PKD1L1: variants seen among roughly 807,000 people sequenced by gnomAD.
The protein encoded by PKD1L1 is polycystin-1-like protein 1.
Under a neutral mutation model 323.4 loss-of-function variants are expected in PKD1L1, and 236 were observed. The observed-to-expected ratio is 0.73, with a 90% confidence interval of 0.66 to 0.81. The LOEUF (loss-of-function observed/expected upper bound fraction) is 0.81. Among genes scored for constraint, PKD1L1 ranks in the 40% least tolerant of loss-of-function variants. The probability of loss-of-function intolerance (pLI) is 0.00; values close to 1 mark genes in which losing one functional copy is unlikely to be tolerated. For missense variants in PKD1L1, 3,320 were observed against 3,508.0 expected (o/e 0.95, Z 1.35); for synonymous variants, 1,344 against 1,335.0 (o/e 1.01, Z -0.15).
intron 40 of PKD1L1, among the ~76,000 whole-genome samples, 174 bp from the exon 41 acceptor site, chr7:47,833,426 C>T (rs1260783295): frequency 1.3e-5 from 2 of 152,166 alleles, no homozygotes; most frequent in Admixed American, 6.5e-5. Flanking sequence ...GCCTGGGAGC[C>T]GGCTCCTTTG....
At chr7:47,798,214 T>C (rs1349734259) in intron 54 of PKD1L1, among the ~76,000 whole-genome samples, 2 of 152,166 alleles carry the variant, frequency 1.3e-5, no homozygotes, top group Non-Finnish European at 2.9e-5. Flanking sequence ...CCTCATGGGA[T>C]TGGCTAAAGG....
chr7:47,813,882 T>C, intron 48 of PKD1L1, 49 bp downstream of exon 48: 1 of 1,516,658 alleles, frequency 6.6e-7, no homozygotes, highest in Non-Finnish European at 9.2e-7. Flanking sequence ...TGCCTAGACT[T>C]CTCTAATTCC....
rs780496977 is a variant in PKD1L1, at chr7:47,792,624, T to A, written c.8526+3A>T. On this transcript the variant is annotated splice_donor_region_variant and intron_variant, in intron 56 of 56. Transcript: ENST00000289672. ...TGACATAAATAATTTTGCATGGTCT[T>A]ACCTCAGCAGCTTGGTAACTAGAAA... is the stretch of plus-strand genomic sequence containing the variant. The A allele has an allele frequency of 3.1e-6, 5 of 1,610,466 alleles. No individual in the cohort carries two copies. In the African/African-American group the frequency reaches 4.0e-5, roughly 13 times the overall value.
chr7:47,943,312 C>T, intron 2 of PKD1L1, 84 bp downstream of exon 2: 4 of 1,118,022 alleles, frequency 3.6e-6, no homozygotes, highest in Non-Finnish European at 5.3e-6. Flanking sequence ...ATGAAATTCC[C>T]ATGTGGAAGA....
At chr7:47,807,033 A>AC in intron 52 of PKD1L1, among the ~76,000 whole-genome samples, 1 of 151,986 alleles carries the variant, frequency 6.6e-6, no homozygotes, top group South Asian at 2.1e-4. Flanking sequence ...GACTCTGTCC[A>AC]CCCTGGTCAG....
the PKD1L1 span, among the ~76,000 whole-genome samples, chr7:47,954,946 G>T: frequency 6.6e-6 from 1 of 152,234 alleles, no homozygotes; most frequent in Non-Finnish European, 1.5e-5. Flanking sequence ...CAGGCGAATA[G>T]GAACTAGATT....
intron 41 of PKD1L1, among the ~76,000 whole-genome samples, chr7:47,831,671 C>A (rs374788571): frequency 3.0e-4 from 46 of 152,288 alleles, no homozygotes; most frequent in African/African-American, 1.1e-3. Flanking sequence ...TTGGTGCTCA[C>A]CTAAGGGTCT....
intron 42 of PKD1L1, 75 bp from the exon 43 acceptor site, chr7:47,830,199 A>G: frequency 7.8e-7 from 1 of 1,275,110 alleles, no homozygotes; most frequent in Non-Finnish European, 1.1e-6. Flanking sequence ...CTGCCTAAGC[A>G]CAGGGACACT....
At chr7:47,914,393 A>G (rs912370026) in intron 8 of PKD1L1, among the ~76,000 whole-genome samples, 3 of 151,636 alleles carry the variant, frequency 2.0e-5, no homozygotes, top group Non-Finnish European at 4.4e-5. Flanking sequence ...GTAGAGAAAC[A>G]TCTAGGACAG....
At chr7:47,824,534 T>C (rs991945166) in intron 45 of PKD1L1, among the ~76,000 whole-genome samples, 10 of 152,230 alleles carry the variant, frequency 6.6e-5, no homozygotes, top group African/African-American at 1.4e-4. Flanking sequence ...ACTAGGTTTA[T>C]ATGGTCAAAT....
intron 54 of PKD1L1, among the ~76,000 whole-genome samples, chr7:47,799,139 T>C (rs1349798848): frequency 6.6e-6 from 1 of 152,220 alleles, no homozygotes; most frequent in East Asian, 1.9e-4. Context: ...TTCTTTAGTT[T>C]TTTGTTGAAT....
chr7:47,795,320 G>T (rs774711167), intron 55 of PKD1L1: 1 of 455,434 alleles, frequency 2.2e-6, no homozygotes. Context: ...AGTCTCACAA[G>T]ATCTGATCAT....
chr7:47,859,028 G>A, intron 26 of PKD1L1, 143 bp from the exon 27 acceptor site: 2 of 1,064,316 alleles, frequency 1.9e-6, no homozygotes, highest in South Asian at 3.2e-5. Flanking sequence ...GGCATATGAT[G>A]CATATATTCT....
At chr7:47,778,329 C>T (rs1350252187) in intron 56 of PKD1L1, among the ~76,000 whole-genome samples, 3 of 152,134 alleles carry the variant, frequency 2.0e-5, no homozygotes, top group Non-Finnish European at 2.9e-5. Flanking sequence ...AATTTTGACT[C>T]CGGGGCAAAG....
chr7:47,787,169 T>C (rs1786826879), intron 56 of PKD1L1, among the ~76,000 whole-genome samples: 3 of 152,176 alleles, frequency 2.0e-5, no homozygotes, highest in Non-Finnish European at 4.4e-5. Context: ...CCAGCTTGCT[T>C]GGCCTATTCC....
chr7:47,775,606 T>A (rs1786549598), intron 56 of PKD1L1, among the ~76,000 whole-genome samples: 1 of 152,092 alleles, frequency 6.6e-6, no homozygotes, highest in South Asian at 2.1e-4. Flanking sequence ...AAACATATCA[T>A]TTTCATTCAG....
At chr7:47,924,217 T>A (rs529381468) in intron 7 of PKD1L1, among the ~76,000 whole-genome samples, 1 of 152,298 alleles carries the variant, frequency 6.6e-6, no homozygotes, top group Non-Finnish European at 1.5e-5. Flanking sequence ...TTTGTAAAAG[T>A]ACTTTTTAAA....
intron 31 of PKD1L1, among the ~76,000 whole-genome samples, chr7:47,851,175 C>A (rs537084513): frequency 2.6e-5 from 4 of 152,302 alleles, no homozygotes; most frequent in African/African-American, 9.6e-5. Context: ...GTTCTAATGT[C>A]ATTTCCCATC....
Position 47,839,470 on chromosome 7 carries a change from C to T in PKD1L1, c.5745G>A (p.Leu1915=), listed in dbSNP as rs1429697953. 1 of 1,611,538 alleles carries T rather than the reference C, an allele frequency of 6.2e-7. No individual in the cohort carries two copies. The highest frequency in any genetic ancestry group is 1.3e-5 in the African/African-American group (1 of 74,942). Residue 1915 remains leucine (L), a synonymous_variant, in exon 36 of 57, where the codon CTG becomes CTA. Coordinates refer to ENST00000289672, the MANE Select transcript of PKD1L1 (RefSeq NM_138295.5). This position sits in a 1 kb window ranked among gnomAD's most constrained non-coding sequence, Gnocchi z 4.3. ...CCTTCCGGAAGCCGAGTCCCCCTTG[C>T]AGACAGGTGAGCTCCCGCTCCACGC... ...DGRVERELTC[L]QGGLGFRKLF...
Sources: allele counts gnomAD v4.1 joint callset (sites outside exome capture counted in the v4.1 genomes callset), GRCh38; gene constraint gnomAD v4.1.1; non-coding constraint Gnocchi (gnomAD v3.1); transcripts MANE v1.5; gene names NCBI Gene and HGNC (gene_info 2026-07-23, HGNC 2026-07-21).